The following LAMA2 variants were observed in gnomAD, a reference collection of about 807,000 sequenced individuals.
LAMA2 encodes the protein laminin subunit alpha 2, also known as laminin subunit alpha-2.
LAMA2 carries 269 observed loss-of-function variants against 364.8 expected under a neutral mutation model. That is an observed-to-expected ratio of 0.74 (90% CI 0.67 to 0.82). The LOEUF (loss-of-function observed/expected upper bound fraction) is 0.82, where lower values mean the gene tolerates loss of function less well. LAMA2 is among the 40% of genes least tolerant of loss of function. The pLI is 0.00. For synonymous variants in LAMA2, 1,379 were observed against 1,370.6 expected, an observed-to-expected ratio of 1.01 and a Z score of -0.14; for missense variants, 3,807 against 3,873.2, an observed-to-expected ratio of 0.98 and a Z score of 0.45.
rs573311246 is a variant in LAMA2, at chr6:129,484,051, C to T, written c.7750-2423C>T. Among the ~76,000 whole-genome samples the T allele has an allele frequency of 3.9e-5, 6 of 152,206 alleles. No homozygotes were observed. In the East Asian group the frequency reaches 7.7e-4, roughly 20 times the overall value. On this transcript the variant is annotated intron_variant, in intron 55 of 64. Coordinates refer to ENST00000421865, the MANE Select transcript of LAMA2 (RefSeq NM_000426.4). ...TATACCAGGATTAAATTTTGACCTT[C>T]GGGAAAAGAACACTTGATTGAACAA...
Position 129,383,045 on chromosome 6 carries a change from T to C in LAMA2, c.4960-77T>C, listed in dbSNP as rs915820527. The stretch of plus-strand genomic sequence containing the variant: ...GCTCAAAGTAATATTTGAAAGAAAA[T>C]GCAGCCAGTGGGAGCTTATCTAGCT... On this transcript the variant is annotated intron_variant, in intron 34 of 64. Coordinates refer to ENST00000421865, the MANE Select transcript of LAMA2 (RefSeq NM_000426.4). 6.3e-5 allele frequency: 74 copies of C among 1,173,218 alleles called. No homozygotes were observed. The African/African-American group carries it at 9.4e-4, about 15-fold the overall frequency. 72.7% of individuals were successfully genotyped at this position (1,173,218 alleles called of 1,614,324 possible).
At chr6:129,292,469 TAATC>T (rs1407533264) in intron 20 of LAMA2, among the ~76,000 whole-genome samples, 1 of 152,234 alleles carries the variant, frequency 6.6e-6, no homozygotes, top group Non-Finnish European at 1.5e-5. Context: ...GTAGAGAAGT[TAATC>T]AAGATATTTT....
chr6:129,319,099 GA>G (rs1475819956), intron 27 of LAMA2, among the ~76,000 whole-genome samples: 1 of 152,042 alleles, frequency 6.6e-6, no homozygotes, highest in Non-Finnish European at 1.5e-5. Flanking sequence ...ATAAAGTTAA[GA>G]AAATATTATT....
chr6:129,492,169 C>G, intron 57 of LAMA2, 92 bp downstream of exon 57: 2 of 1,405,658 alleles, frequency 1.4e-6, no homozygotes, highest in Non-Finnish European at 1.0e-6. Flanking sequence ...TACAGCTATG[C>G]AGGGGAGGAG....
At chr6:129,034,882 G>C (rs1786508752) in intron 1 of LAMA2, among the ~76,000 whole-genome samples, 1 of 152,046 alleles carries the variant, frequency 6.6e-6, no homozygotes, top group South Asian at 2.1e-4. Context: ...CCAACACATA[G>C]ATTGTTGAGC....
At position 128,883,590 on chromosome 6, in the gene LAMA2, T is replaced by A. The variant is rs78478996; in HGVS notation, c.112+233T>A. On this transcript the variant is annotated intron_variant, in intron 1 of 64. Coordinates refer to ENST00000421865, the MANE Select transcript of LAMA2 (RefSeq NM_000426.4). The stretch of plus-strand genomic sequence containing the variant: ...GAACGGGGAGTGCTTTTCATTGTTC[T>A]TTAGTTTCGAAGAGGTCTTGCTATC... Among the ~76,000 whole-genome samples the A allele has an allele frequency of 0.069, 10,527 of 151,468 alleles. 1,106 individuals are homozygous for A. The highest frequency in any genetic ancestry group is 0.22 in the African/African-American group (9,239 of 41,198).
intron 37 of LAMA2, among the ~76,000 whole-genome samples, chr6:129,397,034 G>A (rs1322541941): frequency 1.3e-5 from 2 of 149,830 alleles, no homozygotes; most frequent in Non-Finnish European, 3.0e-5. Flanking sequence ...AACAATAATA[G>A]ACAGGAAGAT....
intron 27 of LAMA2, among the ~76,000 whole-genome samples, chr6:129,317,231 A>G (rs1774669172): frequency 6.6e-6 from 1 of 152,116 alleles, no homozygotes; most frequent in Non-Finnish European, 1.5e-5. Flanking sequence ...GGAGACCTCA[A>G]TTTCTCTTTC....
chr6:129,189,148 T>C (rs1463955942), intron 10 of LAMA2, among the ~76,000 whole-genome samples: 1 of 152,038 alleles, frequency 6.6e-6, no homozygotes, highest in East Asian at 1.9e-4. Context: ...GAGAACAATC[T>C]TTGAGCAATA....
At chr6:129,168,160 T>C (rs1164228934) in intron 9 of LAMA2, among the ~76,000 whole-genome samples, 1 of 145,042 alleles carries the variant, frequency 6.9e-6, no homozygotes, top group African/African-American at 2.6e-5. Context: ...CAGAAGCTCT[T>C]TAGTTTAATT....
At chr6:129,212,446 T>A (rs945657958) in intron 12 of LAMA2, among the ~76,000 whole-genome samples, 2 of 152,144 alleles carry the variant, frequency 1.3e-5, no homozygotes, top group East Asian at 1.9e-4. Flanking sequence ...ATGTTTTTTT[T>A]AAAATCAGTT....
intron 11 of LAMA2, among the ~76,000 whole-genome samples, chr6:129,190,611 C>G (rs1316843805): frequency 6.6e-6 from 1 of 152,006 alleles, no homozygotes; most frequent in East Asian, 1.9e-4. Context: ...AACAATAATG[C>G]AATTAAGGTT....
At chr6:129,342,745 T>C (rs1283501140) in intron 30 of LAMA2, among the ~76,000 whole-genome samples, 1 of 152,132 alleles carries the variant, frequency 6.6e-6, no homozygotes, top group Non-Finnish European at 1.5e-5. Context: ...GATATATATA[T>C]ACAAATATGC....
intron 34 of LAMA2, among the ~76,000 whole-genome samples, chr6:129,373,567 T>A (rs1295742164): frequency 6.6e-6 from 1 of 152,200 alleles, no homozygotes; most frequent in Non-Finnish European, 1.5e-5. Context: ...TACTGAATGT[T>A]TTTTTACTGT....
At chr6:128,930,859 A>G (rs528378018) in intron 1 of LAMA2, among the ~76,000 whole-genome samples, 1 of 152,282 alleles carries the variant, frequency 6.6e-6, no homozygotes, top group Non-Finnish European at 1.5e-5. Context: ...GTGCATCTCA[A>G]CTTCCTTTTA....
rs941149010 is a variant in LAMA2 at position 129,481,130 on chromosome 6, T to C, written c.7573-133T>C. 4 of 724,820 alleles carry C rather than the reference T, an allele frequency of 5.5e-6. No individual in the cohort carries two copies. In the African/African-American group the frequency reaches 7.1e-5, roughly 13 times the overall value. 44.9% of individuals were successfully genotyped at this position (724,820 alleles called of 1,614,324 possible). ...TCTTCAACTGCTCTTAAACTTTCCA[T>C]GTTTTCCTGCTTTCTAAACCTATGA... On this transcript the variant is annotated intron_variant, in intron 54 of 64. Transcript: ENST00000421865.
rs748544439 is a variant in LAMA2 at position 129,287,920 on chromosome 6, C to T, written c.2611C>T (p.Leu871Phe). 2.4e-5 allele frequency: 39 copies of T among 1,613,984 alleles called. No homozygotes were observed. The highest frequency in any genetic ancestry group is 2.8e-5 in the Non-Finnish European group (33 of 1,179,970). Residue 871 changes from leucine to phenylalanine, a missense_variant, in exon 19 of 65, where the codon CTT (leucine) becomes TTT (phenylalanine). By Grantham distance (22) the Leu-to-Phe change is conservative. Around this residue, in one of 3 missense-constraint regions of LAMA2, gnomAD observed 3,333 missense variants for 3,345.7 expected, o/e 1.00. Coordinates refer to ENST00000421865, the MANE Select transcript of LAMA2 (RefSeq NM_000426.4). Reference sequence around the variant, plus strand: ...TCAGCCATGCCAATGCAATGACAACCTTGACTTCTCCATCCCTGGCAGCTG... The same window carrying T: ...TCAGCCATGCCAATGCAATGACAACTTTGACTTCTCCATCCCTGGCAGCTG... ...SCQPCQCNDN[L>F]DFSIPGSCDS...
intron 1 of LAMA2, among the ~76,000 whole-genome samples, chr6:128,889,185 G>A (rs1270258649): frequency 6.6e-6 from 1 of 152,156 alleles, no homozygotes; most frequent in South Asian, 2.1e-4. Flanking sequence ...TAAATAGTAT[G>A]CACTTTAAAA....
chr6:129,252,920 A>G (rs1786370058), intron 14 of LAMA2, among the ~76,000 whole-genome samples: 1 of 152,188 alleles, frequency 6.6e-6, no homozygotes, highest in African/African-American at 2.4e-5. Flanking sequence ...GTTTCTTTTC[A>G]GTGTAAAGTG....
Sources: gnomAD v4.1 joint callset for allele counts (sites outside exome capture counted in the v4.1 genomes callset) on GRCh38, gnomAD v4.1.1 for gene constraint, gnomAD v4.1.1 regional missense constraint, MANE v1.5 for transcripts, NCBI Gene and HGNC (gene_info 2026-07-23, HGNC 2026-07-21) for gene names.